Variants in ARID2 observed in about 807,000 individuals in gnomAD.
ARID2 encodes the protein AT-rich interactive domain-containing protein 2.
ARID2 carries 32 observed loss-of-function variants against 184.6 expected under a neutral mutation model. That is an observed-to-expected ratio of 0.17 (90% CI 0.13 to 0.23). The LOEUF is 0.23. ARID2 is among the 10% of genes least tolerant of loss of function. ARID2 has a pLI of 1.00. For synonymous variants in ARID2, 836 were observed against 772.6 expected, an observed-to-expected ratio of 1.08 and a Z score of -1.36; for missense variants, 1,696 against 2,197.6, an observed-to-expected ratio of 0.77 and a Z score of 4.56.
At chr12:45,778,303 A>T in intron 3 of ARID2, among the ~76,000 whole-genome samples, 1 of 152,224 alleles carries the variant, frequency 6.6e-6, no homozygotes, top group East Asian at 1.9e-4. Context: ...ATGGCAGAGT[A>T]GAGGTAACCT....
intron 15 of ARID2, among the ~76,000 whole-genome samples, chr12:45,857,756 CCTCTCTCT>C (rs150224221): frequency 4.0e-5 from 6 of 150,278 alleles, no homozygotes; most frequent in Non-Finnish European, 7.4e-5. Context: ...TCTCTCTCTC[CCTCTCTCT>C]CTCTCTTTTT....
chr12:45,755,083 A>C (rs1156690606), intron 3 of ARID2, among the ~76,000 whole-genome samples: 1 of 152,256 alleles, frequency 6.6e-6, no homozygotes, highest in Non-Finnish European at 1.5e-5. Context: ...ACTCTGCTGC[A>C]TCGGAGGCGT....
chr12:45,842,416 TAATA>T (rs1943365722), intron 11 of ARID2, among the ~76,000 whole-genome samples: 1 of 151,978 alleles, frequency 6.6e-6, no homozygotes, highest in African/African-American at 2.4e-5. Flanking sequence ...CAGGTTTTAT[TAATA>T]AATGGTACAT....
intron 8 of ARID2, 129 bp from the exon 9 acceptor site, chr12:45,837,192 G>T: frequency 8.9e-7 from 1 of 1,126,522 alleles, no homozygotes. Flanking sequence ...ATTCAGAAAT[G>T]GCTATTTTTA....
chr12:45,742,611 A>G (rs545245643), intron 3 of ARID2, among the ~76,000 whole-genome samples: 2 of 152,194 alleles, frequency 1.3e-5, no homozygotes, highest in East Asian at 1.9e-4. Flanking sequence ...ATAGAATCCC[A>G]TTATTATTTT....
chr12:45,791,056 C>T (rs1290564711), intron 3 of ARID2, among the ~76,000 whole-genome samples: 1 of 152,162 alleles, frequency 6.6e-6, no homozygotes, highest in Non-Finnish European at 1.5e-5. Flanking sequence ...TATTTACCCA[C>T]AAGTGAAATT....
intron 16 of ARID2, among the ~76,000 whole-genome samples, chr12:45,879,236 G>A (rs1237207483): frequency 1.3e-5 from 2 of 152,066 alleles, no homozygotes; most frequent in South Asian, 2.1e-4. Context: ...GTCTAGAGAG[G>A]GCCCGTGTTT....
chr12:45,742,564 T>G (rs556873371), intron 3 of ARID2, among the ~76,000 whole-genome samples: 11 of 152,334 alleles, frequency 7.2e-5, no homozygotes, highest in Non-Finnish European at 1.2e-4. Flanking sequence ...TATTTTGCCT[T>G]TTTTCACTTC....
chr12:45,799,453 A>AT (rs1004411572), intron 3 of ARID2, among the ~76,000 whole-genome samples: 10 of 151,952 alleles, frequency 6.6e-5, no homozygotes, highest in South Asian at 2.1e-4. Flanking sequence ...AGTGGTGCAC[A>AT]TTTTTTTTGT....
chr12:45,872,986 A>G (rs1048465736), intron 16 of ARID2, among the ~76,000 whole-genome samples: 12 of 152,168 alleles, frequency 7.9e-5, no homozygotes, highest in Non-Finnish European at 1.5e-4. Context: ...TTCAACTATA[A>G]TAGTGGATTT....
intron 5 of ARID2, among the ~76,000 whole-genome samples, 197 bp downstream of exon 5, chr12:45,818,085 T>G (rs985204727): frequency 6.6e-6 from 1 of 152,164 alleles, no homozygotes; most frequent in Non-Finnish European, 1.5e-5. Context: ...TGTCTCAGTG[T>G]TTTTGAAGTA....
chr12:45,808,896 C>T (rs1942652282), intron 3 of ARID2, among the ~76,000 whole-genome samples: 1 of 152,146 alleles, frequency 6.6e-6, no homozygotes, highest in African/African-American at 2.4e-5. Context: ...ACCTGAGTAG[C>T]TGGGATTACA....
At position 45,836,496 on chromosome 12, in the gene ARID2, A is replaced by G. The variant is rs1262820755; in HGVS notation, c.706-93A>G. 19 of 1,206,712 alleles carry G rather than the reference A, an allele frequency of 1.6e-5. No individual in the cohort carries two copies. In the South Asian group the frequency reaches 2.2e-4, roughly 14 times the overall value. The allele number at this position is 1,206,712 out of a possible 1,614,324, so 74.8% of individuals were successfully genotyped here. A position where few individuals can be genotyped will look rare whatever the true frequency, so the allele number is the denominator to read the frequency against. ...CTCTTAAAGTGCTGGGATTACAGGC[A>G]TGAGCCACCATACCTAGCCTGTGTG... On this transcript the variant is annotated intron_variant, in intron 6 of 20. Coordinates refer to ENST00000334344, the MANE Select transcript of ARID2 (RefSeq NM_152641.4).
chr12:45,737,335 G>GTTGCTGC (rs1319579295), intron 3 of ARID2, among the ~76,000 whole-genome samples: 1 of 151,842 alleles, frequency 6.6e-6, no homozygotes, highest in African/African-American at 2.4e-5. Flanking sequence ...TGATGTTTTG[G>GTTGCTGC]CTGCTGCCTT....
rs1418390497 is a variant in ARID2, at chr12:45,851,238, C to G, written c.3115C>G (p.Gln1039Glu). 3 of 1,614,164 alleles carry G rather than the reference C, an allele frequency of 1.9e-6. No individual in the cohort carries two copies. The highest frequency in any genetic ancestry group is 2.5e-6 in the Non-Finnish European group (3 of 1,180,022). The change falls in exon 15 of 21, where the codon CAA becomes GAA. Residue 1039 changes from glutamine (Q) to glutamate (E), a missense_variant. Physicochemically the swap from Gln to Glu is conservative, Grantham distance 29 (BLOSUM62 2). Transcript: ENST00000334344. ...TCAGCAGCCCCAACAAGTACAGATG[C>G]AAGTTCAACCTCAACAGTCGAATGC... ...QVQQPQQVQM[Q>E]VQPQQSNAGV...
At position 45,850,167 on chromosome 12, in the gene ARID2, T is replaced by G; in HGVS notation, c.2044T>G (p.Ser682Ala). Reference sequence around the variant, plus strand: ...TGTTCATACTGTGGCACAAACTGTTTCAAGAATTCCACAAAATCCTTCACC... The same window carrying G: ...TGTTCATACTGTGGCACAAACTGTTGCAAGAATTCCACAAAATCCTTCACC... ...QGVHTVAQTV[S>A]RIPQNPSPHT... Residue 682 changes from serine to alanine, a missense_variant, in exon 15 of 21, where the codon TCA becomes GCA. By Grantham distance (99) the Ser-to-Ala change is moderately conservative. Coordinates refer to ENST00000334344, the MANE Select transcript of ARID2 (RefSeq NM_152641.4). The G allele has an allele frequency of 6.2e-7, 1 of 1,614,138 alleles. No homozygotes were observed. The highest frequency in any genetic ancestry group is 8.5e-7 in the Non-Finnish European group (1 of 1,179,996).
intron 20 of ARID2, among the ~76,000 whole-genome samples, chr12:45,897,791 TTTAC>T (rs896094135): frequency 2.6e-5 from 4 of 152,132 alleles, no homozygotes; most frequent in Non-Finnish European, 5.9e-5. Flanking sequence ...GAAAAAACAA[TTTAC>T]TTATAGTAAA....
rs375643219 is a variant in ARID2, at chr12:45,850,525, T to C, written c.2402T>C (p.Met801Thr). ...CAACAAGCTGTCCCACAGAGTCATA[T>C]GTTTGGCAGAGTACAGAACATACCA... is the stretch of plus-strand genomic sequence containing the variant. ...VIQQAVPQSH[M>T]FGRVQNIPAC... is the part of the protein sequence containing the mutation. Residue 801 changes from methionine to threonine, a missense_variant, in exon 15 of 21, where the codon ATG becomes ACG. This residue lies in a region of ARID2 where 713 missense variants were observed against 824.4 expected (regional missense o/e 0.86). Transcript: ENST00000334344. 7 of 1,613,984 alleles carry C rather than the reference T, an allele frequency of 4.3e-6. No individual in the cohort carries two copies. The Admixed American group carries it at 1.2e-4, about 27-fold the overall frequency.
chr12:45,765,814 G>A (rs73095489), intron 3 of ARID2, among the ~76,000 whole-genome samples: 22,537 of 152,092 alleles, frequency 0.15, 2,013 homozygotes, highest in Admixed American at 0.21. Context: ...ACCCTCAAAA[G>A]TCTTTTCTTG....
Sources: allele counts gnomAD v4.1 joint callset (sites outside exome capture counted in the v4.1 genomes callset), GRCh38; gene constraint gnomAD v4.1.1; regional missense constraint gnomAD v4.1.1; transcripts MANE v1.5; gene names NCBI Gene and HGNC (gene_info 2026-07-23, HGNC 2026-07-21).